GABRA2: variants seen among roughly 807,000 people sequenced by gnomAD.
The protein encoded by GABRA2 is gamma-aminobutyric acid type A receptor subunit alpha2.
A neutral mutation model predicts 48.7 loss-of-function variants in GABRA2; 16 were observed. That is an observed-to-expected ratio of 0.33 (90% confidence interval 0.22 to 0.50). The LOEUF is 0.50. GABRA2 is among the 20% of genes least tolerant of loss of function. GABRA2 has a pLI of 0.98. For synonymous variants in GABRA2, 185 were observed against 184.5 expected (o/e 1.00, Z -0.02); for missense variants, 275 against 535.6 (o/e 0.51, Z 4.80).
chr4:46,314,352 T>C (rs967312085), intron 4 of GABRA2, among the ~76,000 whole-genome samples: 50 of 152,134 alleles, frequency 3.3e-4, no homozygotes, highest in Admixed American at 8.5e-4. Context: ...TTATGTTTTA[T>C]CTGTTTCAGA....
At chr4:46,376,969 G>T (rs71611979) in intron 3 of GABRA2, among the ~76,000 whole-genome samples, 2 of 152,122 alleles carry the variant, frequency 1.3e-5, no homozygotes, top group African/African-American at 4.8e-5. Context: ...GCTCCTAACC[G>T]CAAGTGATCC....
At chr4:46,382,341 C>T (rs1716871010) in intron 3 of GABRA2, among the ~76,000 whole-genome samples, 1 of 151,790 alleles carries the variant, frequency 6.6e-6, no homozygotes, top group African/African-American at 2.4e-5. Context: ...TCAGTGGATA[C>T]ACCAGGGAAG....
intron 3 of GABRA2, among the ~76,000 whole-genome samples, chr4:46,378,165 C>A (rs1716212846): frequency 6.6e-6 from 1 of 151,918 alleles, no homozygotes; most frequent in Admixed American, 6.5e-5. Flanking sequence ...GTGTACCCAA[C>A]AGCTCATTGA....
At chr4:46,388,099 T>C (rs1046518608) in intron 2 of GABRA2, among the ~76,000 whole-genome samples, 2 of 152,190 alleles carry the variant, frequency 1.3e-5, no homozygotes, top group Non-Finnish European at 2.9e-5. Flanking sequence ...AGTCGATGAT[T>C]AATAAATCTA....
At chr4:46,386,053 A>G in intron 3 of GABRA2, 21 bp downstream of exon 3, 1 of 1,465,512 alleles carries the variant, frequency 6.8e-7, no homozygotes. Flanking sequence ...GAGAGTTTTA[A>G]AAGAGGAAAA....
chr4:46,344,206 T>C (rs1456400479), intron 3 of GABRA2, among the ~76,000 whole-genome samples: 8 of 151,902 alleles, frequency 5.3e-5, no homozygotes, highest in Non-Finnish European at 1.2e-4. Context: ...TACAGAGAGA[T>C]AGTGACTAAA....
intron 4 of GABRA2, among the ~76,000 whole-genome samples, chr4:46,327,876 A>G (rs182724656): frequency 3.9e-5 from 6 of 152,132 alleles, no homozygotes; most frequent in Non-Finnish European, 7.4e-5. Flanking sequence ...TCACTGTCCA[A>G]GCTCTAACCC....
At chr4:46,382,768 A>G (rs1304199608) in intron 3 of GABRA2, among the ~76,000 whole-genome samples, 2 of 152,210 alleles carry the variant, frequency 1.3e-5, no homozygotes, top group African/African-American at 4.8e-5. Context: ...AATGTCTACA[A>G]TAAGAGCTAG....
At chr4:46,311,029 G>T (rs534868522) in intron 5 of GABRA2, among the ~76,000 whole-genome samples, 28 of 152,182 alleles carry the variant, frequency 1.8e-4, no homozygotes, top group Non-Finnish European at 3.7e-4. Flanking sequence ...ATTTGTTATG[G>T]CTTAAATTCT....
chr4:46,345,014 G>C (rs557517416), intron 3 of GABRA2, among the ~76,000 whole-genome samples: 31 of 151,898 alleles, frequency 2.0e-4, no homozygotes, highest in Admixed American at 1.4e-3. Context: ...AAGTGTCAAG[G>C]GTGGGACCTA....
intron 3 of GABRA2, among the ~76,000 whole-genome samples, chr4:46,340,162 A>T (rs1193006206): frequency 6.6e-6 from 1 of 151,888 alleles, no homozygotes; most frequent in African/African-American, 2.4e-5. Flanking sequence ...TGTCTCTGGG[A>T]ACACTGCTTG....
In GABRA2 at chr4:46,312,478, T is replaced by C. The variant is rs756597006; in HGVS notation, c.476+18A>G. 1.3e-6 allele frequency: 2 copies of C among 1,549,098 alleles called. No homozygotes were observed. The highest frequency in any genetic ancestry group is 1.8e-6 in the Non-Finnish European group (2 of 1,124,876). The stretch of plus-strand genomic sequence containing the variant: ...TTTCTCAGTATATAAATACATCACA[T>C]CAAACCTAAAAACATACCTCATGGT... On this transcript the variant is annotated intron_variant, in intron 5 of 9. Coordinates refer to ENST00000381620, the MANE Select transcript of GABRA2 (RefSeq NM_000807.4).
rs1315288122 is a variant in GABRA2, at chr4:46,244,778, A to G, written c.*5530T>C. Among the ~76,000 whole-genome samples the G allele has an allele frequency of 6.6e-6, 1 of 151,540 alleles. No homozygotes were observed. The highest frequency in any genetic ancestry group is 6.6e-5 in the Admixed American group (1 of 15,172). On this transcript the variant is annotated 3_prime_UTR_variant, in exon 10 of 10. Transcript: ENST00000381620. ...GTGATCATTACTTGTGAACCAAAAA[A>G]GAAAACTGCAATATATTCCCAGAAA...
At chr4:46,321,276 T>C (rs892809824) in intron 4 of GABRA2, among the ~76,000 whole-genome samples, 48 of 151,814 alleles carry the variant, frequency 3.2e-4, no homozygotes, top group Admixed American at 3.2e-3. Flanking sequence ...TCAAAGGGTA[T>C]AAAGCTTAGA....
intron 6 of GABRA2, among the ~76,000 whole-genome samples, chr4:46,306,028 G>A (rs916956117): frequency 6.6e-6 from 1 of 151,836 alleles, no homozygotes; most frequent in Non-Finnish European, 1.5e-5. Context: ...GCCAAAGGTA[G>A]CATATGAAGA....
At chr4:46,281,853 T>A (rs541745635) in intron 8 of GABRA2, among the ~76,000 whole-genome samples, 1 of 151,364 alleles carries the variant, frequency 6.6e-6, no homozygotes, top group South Asian at 2.1e-4. Flanking sequence ...GCCATATTTA[T>A]CTTTCTTCTA....
At chr4:46,330,591 T>TATAGAGAGAGAGAGAGAGAG (rs1411755120) in intron 4 of GABRA2, among the ~76,000 whole-genome samples, 26 of 122,680 alleles carry the variant, frequency 2.1e-4, no homozygotes, top group East Asian at 9.2e-4. Flanking sequence ...TATATATATA[T>TATAGAGAGAGAGAGAGAGAG]AGAGAGAGAG....
At chr4:46,340,620 G>A (rs1382555971) in intron 3 of GABRA2, among the ~76,000 whole-genome samples, 4 of 151,930 alleles carry the variant, frequency 2.6e-5, no homozygotes, top group Admixed American at 6.6e-5. Context: ...TTATTTTCAT[G>A]TGTTAAAGCA....
chr4:46,269,962 T>C (rs1719006891), intron 8 of GABRA2, among the ~76,000 whole-genome samples: 2 of 151,936 alleles, frequency 1.3e-5, no homozygotes, highest in South Asian at 4.1e-4. Context: ...ATGTGAATTC[T>C]TGGAATATCT....
Sources: gnomAD v4.1 joint callset for allele counts (sites outside exome capture counted in the v4.1 genomes callset) on GRCh38, gnomAD v4.1.1 for gene constraint, MANE v1.5 for transcripts, NCBI Gene and HGNC (gene_info 2026-07-23, HGNC 2026-07-21) for gene names.